Variants in DMXL2 observed in about 807,000 individuals in gnomAD.
The protein encoded by DMXL2 is Dmx like 2, also known as dmX-like protein 2.
A neutral mutation model predicts 331.1 loss-of-function variants in DMXL2; 103 were observed. The observed-to-expected ratio is 0.31, with a 90% CI of 0.27 to 0.37. The LOEUF (loss-of-function observed/expected upper bound fraction) is 0.37, where lower values mean the gene tolerates loss of function less well. Among genes scored for constraint, DMXL2 ranks in the 10% least tolerant of loss-of-function variants. DMXL2 has a pLI of 1.00. For synonymous variants in DMXL2, 1,281 were observed against 1,252.1 expected (o/e 1.02, Z -0.49); for missense variants, 3,171 against 3,642.9 (o/e 0.87, Z 3.33).
chr15:51,480,521 A>G, intron 24 of DMXL2, 21 bp downstream of exon 24: 2 of 1,477,574 alleles, frequency 1.4e-6, no homozygotes, highest in Non-Finnish European at 1.8e-6. Context: ...ACCAAGATTG[A>G]AAAAAAAGTG....
chr15:51,617,143 ACT>A (rs1300774651), intron 1 of DMXL2, among the ~76,000 whole-genome samples: 1 of 152,076 alleles, frequency 6.6e-6, no homozygotes, highest in Non-Finnish European at 1.5e-5. Context: ...AAATACTGAG[ACT>A]CTGATTTGTT....
intron 1 of DMXL2, among the ~76,000 whole-genome samples, chr15:51,588,782 G>A (rs981458940): frequency 2.0e-5 from 3 of 152,150 alleles, no homozygotes; most frequent in African/African-American, 4.8e-5. Flanking sequence ...GCATATTCCT[G>A]AGAATCTAGA....
intron 14 of DMXL2, among the ~76,000 whole-genome samples, chr15:51,516,747 T>C (rs1256386291): frequency 6.6e-6 from 1 of 152,364 alleles, no homozygotes; most frequent in East Asian, 1.9e-4. Context: ...CCAAGTAGTG[T>C]ACACTGTACC....
chr15:51,600,766 G>A (rs116365350), intron 1 of DMXL2, among the ~76,000 whole-genome samples: 4 of 152,122 alleles, frequency 2.6e-5, no homozygotes, highest in African/African-American at 9.7e-5. Context: ...GCCAGTATAA[G>A]TTTCCTGTGA....
intron 13 of DMXL2, among the ~76,000 whole-genome samples, chr15:51,522,246 C>T (rs1260019044): frequency 6.6e-6 from 1 of 152,324 alleles, no homozygotes; most frequent in African/African-American, 2.4e-5. Flanking sequence ...TTAACTATTA[C>T]TAATGCCTTT....
chr15:51,603,972 AATATTCTTAATGAAC>A (rs1366927957), intron 1 of DMXL2, among the ~76,000 whole-genome samples: 1 of 152,128 alleles, frequency 6.6e-6, no homozygotes, highest in Non-Finnish European at 1.5e-5. Context: ...CATAATAAAA[AATATTCTTAATGAAC>A]ACAGATGCAA....
rs1028423573 is a variant in DMXL2, at chr15:51,611,303, G to T, written c.87+11156C>A. 3.3e-5 allele frequency among the ~76,000 whole-genome samples: 5 copies of T among 152,068 alleles called. No homozygotes were observed. The East Asian group carries it at 9.6e-4, about 29-fold the overall frequency. Reference sequence around the variant, plus strand: ...AACAGAGATGCTGCAGACCTAAGAAGATATTAAGAGGCCGCTGTGAACAAC... The same window carrying T: ...AACAGAGATGCTGCAGACCTAAGAATATATTAAGAGGCCGCTGTGAACAAC... On this transcript the variant is annotated intron_variant, in intron 1 of 43. Transcript: ENST00000560891.
At chr15:51,597,424 TCA>T (rs1338216238) in intron 1 of DMXL2, among the ~76,000 whole-genome samples, 2 of 152,336 alleles carry the variant, frequency 1.3e-5, no homozygotes, top group African/African-American at 4.8e-5. Context: ...GTAAATGGAA[TCA>T]TACTGTATGC....
At chr15:51,476,242 T>TA (rs1284461899) in intron 27 of DMXL2, among the ~76,000 whole-genome samples, 4 of 152,254 alleles carry the variant, frequency 2.6e-5, no homozygotes, top group African/African-American at 9.6e-5. Context: ...AACAACTAAC[T>TA]GTATTTTCTA....
At position 51,517,079 on chromosome 15, in the gene DMXL2, T is replaced by C. The variant is rs368870017; in HGVS notation, c.2525A>G (p.Gln842Arg). Residue 842 changes from glutamine (Q) to arginine (R), a missense_variant and splice_region_variant, in exon 14 of 44, where the codon CAA (glutamine) becomes CGA (arginine). By Grantham distance (43) the Gln-to-Arg change is conservative (BLOSUM62 1). This residue lies in a region of DMXL2 where 1,674 missense variants were observed against 1,780.2 expected (regional missense o/e 0.94). Transcript: ENST00000560891. ...CIIELDAITN[Q>R]CGSNTQLLHV... is the part of the protein sequence containing the mutation. ...ACCAATTCACAAGCATGTTTTTACTTGGTTGGTTATTGCGTCGAGTTCAAT... is the reference window on the plus strand; with the variant it reads ...ACCAATTCACAAGCATGTTTTTACTCGGTTGGTTATTGCGTCGAGTTCAAT... The C allele has an allele frequency of 5.6e-6, 9 of 1,613,482 alleles. No individual in the cohort carries two copies. The highest frequency in any genetic ancestry group is 1.6e-4 in the Middle Eastern group (1 of 6,062).
At chr15:51,518,926 C>T (rs1028014707) in intron 13 of DMXL2, among the ~76,000 whole-genome samples, 2 of 152,148 alleles carry the variant, frequency 1.3e-5, no homozygotes, top group African/African-American at 2.4e-5. Context: ...TGAAGTAAAG[C>T]ATTCGCCCAG....
intron 1 of DMXL2, among the ~76,000 whole-genome samples, chr15:51,619,896 C>A (rs2141466769): frequency 1.3e-5 from 2 of 152,256 alleles, no homozygotes; most frequent in East Asian, 3.9e-4. Flanking sequence ...CCAAGAAAAG[C>A]CCACACAATG....
chr15:51,525,739 G>A (rs2047635022), intron 13 of DMXL2, among the ~76,000 whole-genome samples: 1 of 151,964 alleles, frequency 6.6e-6, no homozygotes, highest in Non-Finnish European at 1.5e-5. Flanking sequence ...AGGGTAGGAG[G>A]GACTGTGTCT....
In DMXL2 at chr15:51,507,869, T is replaced by A. The variant is rs185246918; in HGVS notation, c.2645-616A>T. Among the ~76,000 whole-genome samples, 565 of 150,090 alleles carry A rather than the reference T, an allele frequency of 3.8e-3. 3 individuals are homozygous for A. The highest frequency in any genetic ancestry group is 0.013 in the African/African-American group (544 of 40,856). On this transcript the variant is annotated intron_variant, in intron 15 of 43. Coordinates refer to ENST00000560891, the MANE Select transcript of DMXL2 (RefSeq NM_001378457.1). Reference sequence around the variant, plus strand: ...GAGCAGTGGTAGGGTAAAGAAAAAATTTTGTAGAAATTTCATGCATTTTTT... The same window carrying A: ...GAGCAGTGGTAGGGTAAAGAAAAAAATTTGTAGAAATTTCATGCATTTTTT...
intron 15 of DMXL2, among the ~76,000 whole-genome samples, chr15:51,512,007 C>T (rs1260555883): frequency 6.6e-6 from 1 of 151,878 alleles, no homozygotes; most frequent in Non-Finnish European, 1.5e-5. Context: ...CACACAGACA[C>T]AGGGAAGGGA....
rs901349844 is a variant in DMXL2, at chr15:51,542,377, G to A, written c.1061C>T (p.Ala354Val). The A allele has an allele frequency of 2.5e-6, 4 of 1,613,790 alleles. No homozygotes were observed. Among genetic ancestry groups the A allele is most frequent in the African/African-American group, 1.3e-5 (1 of 75,038 alleles). Residue 354 changes from alanine to valine, a missense_variant, in exon 9 of 44, where the codon GCA (alanine) becomes GTA (valine). By Grantham distance (64) the Ala-to-Val change is moderately conservative (BLOSUM62 0). Coordinates refer to ENST00000560891, the MANE Select transcript of DMXL2 (RefSeq NM_001378457.1). ...TGCTGCAATATGAAAATGACAGAGT[G>A]CATTTGCATGGTGGGAAATGTGTCT... Reference protein sequence around the residue: ...VQRHISHHANALCHFHIAASI... With the variant: ...VQRHISHHANVLCHFHIAASI...
chr15:51,564,036 CA>C, intron 5 of DMXL2, 88 bp downstream of exon 5: 2 of 1,430,964 alleles, frequency 1.4e-6, no homozygotes, highest in Non-Finnish European at 9.4e-7. Flanking sequence ...ATGGTACCAT[CA>C]AAAAATAAAG....
At position 51,456,346 on chromosome 15, in the gene DMXL2, A is replaced by T; in HGVS notation, c.8361T>A (p.Asn2787Lys). ...CTGGGTGTGAAGTCATTCTCTTAAC[A>T]TTATGTAGATTCCTTTTCATAAGCT... Reference protein sequence around the residue: ...ASVLMKRNLHNVKRMTSHPVH... With the variant: ...ASVLMKRNLHKVKRMTSHPVH... The change falls in exon 38 of 44, where the codon AAT (asparagine) becomes AAA (lysine). Residue 2787 changes from asparagine to lysine, a missense_variant. Physicochemically the swap from Asn to Lys is moderately conservative, Grantham distance 94. Transcript: ENST00000560891. 1 of 1,590,976 alleles carries T rather than the reference A, an allele frequency of 6.3e-7. No individual in the cohort carries two copies. The highest frequency in any genetic ancestry group is 8.5e-7 in the Non-Finnish European group (1 of 1,170,942).
At chr15:51,540,472 T>C (rs2048529294) in intron 9 of DMXL2, among the ~76,000 whole-genome samples, 2 of 152,196 alleles carry the variant, frequency 1.3e-5, no homozygotes, top group South Asian at 2.1e-4. Context: ...TACTTTCAAA[T>C]GGTTCCGTCA....
Sources: allele counts gnomAD v4.1 joint callset (sites outside exome capture counted in the v4.1 genomes callset), GRCh38; gene constraint gnomAD v4.1.1; regional missense constraint gnomAD v4.1.1; transcripts MANE v1.5; gene names NCBI Gene and HGNC (gene_info 2026-07-23, HGNC 2026-07-21).